The following CLK4 variants were observed in gnomAD, a reference collection of about 807,000 sequenced individuals.
CLK4 encodes the protein dual specificity protein kinase CLK4.
A neutral mutation model predicts 64.4 loss-of-function variants in CLK4; 37 were observed. The ratio of observed to expected loss-of-function variants is 0.57; its 90% CI spans 0.44 to 0.76. CLK4 has a LOEUF of 0.76. CLK4 is among the 30% of genes least tolerant of loss of function. The pLI is 0.00. For synonymous variants in CLK4, 175 were observed against 191.6 expected, an observed-to-expected ratio of 0.91 and a Z score of 0.72; for missense variants, 457 against 605.1, an observed-to-expected ratio of 0.76 and a Z score of 2.57.
In CLK4 at chr5:178,609,335, A is replaced by G. The variant is rs191327725; in HGVS notation, c.1052-877T>C. On this transcript the variant is annotated intron_variant, in intron 9 of 12. Transcript: ENST00000316308. ...ATTCAAGTCAATATATAATGACTTA[A>G]GTCATTTTTGTTAACCATCCGCTCC... Among the ~76,000 whole-genome samples the G allele has an allele frequency of 3.4e-3, 519 of 152,382 alleles. 1 individual carries two copies. Among genetic ancestry groups the G allele is most frequent in the African/African-American group, 0.011 (468 of 41,588 alleles).
rs201253730 is a variant in CLK4, at chr5:178,624,310, T to A, written c.1-894A>T. Among the ~76,000 whole-genome samples, 25 of 152,260 alleles carry A rather than the reference T, an allele frequency of 1.6e-4. No homozygotes were observed. The East Asian group carries it at 1.7e-3, about 11-fold the overall frequency. ...AGTGAAACTGTCTCTACAAAAAAAA[T>A]TTTTTTAAATGTTTATGTGATTTTA... On this transcript the variant is annotated intron_variant, in intron 1 of 12. Coordinates refer to ENST00000316308, the MANE Select transcript of CLK4 (RefSeq NM_020666.3).
chr5:178,620,009 C>T (rs1202480049), intron 2 of CLK4: 1 of 398,576 alleles, frequency 2.5e-6, no homozygotes, highest in African/African-American at 2.0e-5. Flanking sequence ...CTTTCCTTTC[C>T]CCAGAATATG....
At chr5:178,624,416 C>G (rs189896750) in intron 1 of CLK4, among the ~76,000 whole-genome samples, 1 of 152,326 alleles carries the variant, frequency 6.6e-6, no homozygotes, top group Admixed American at 6.5e-5. Flanking sequence ...TGTAGTAAAT[C>G]TGGAGTAACT....
At chr5:178,607,985 A>C (rs1240366906) in intron 10 of CLK4, among the ~76,000 whole-genome samples, 1 of 152,252 alleles carries the variant, frequency 6.6e-6, no homozygotes, top group Admixed American at 6.5e-5. Context: ...GTAAAATACA[A>C]TCCCTTGTTG....
intron 9 of CLK4, among the ~76,000 whole-genome samples, chr5:178,609,378 CA>C (rs1278150367): frequency 7.9e-5 from 12 of 152,172 alleles, no homozygotes; most frequent in Non-Finnish European, 1.6e-4. Flanking sequence ...GTCATTTGAA[CA>C]AATGGATAAT....
At chr5:178,621,690 T>C (rs529486772) in intron 2 of CLK4, 1 of 152,168 alleles carries the variant, frequency 6.6e-6, no homozygotes, top group Non-Finnish European at 1.5e-5. Context: ...GTTGTATAAT[T>C]TGGCAAACTC....
chr5:178,613,807 AT>A lies in CLK4; in HGVS notation c.578del (p.Asn193MetfsTer2). ...GMHVAVKIVKNVGRYREAARS... is the reference protein window; with the variant it reads ...GMHVAVKIVKXVGRYREAARS... ...GAGCTGCTTCACGGTAACGGCCTAC[AT>A]TTTTTACGATTTTCACTGCTACATG... On this transcript the variant is annotated frameshift_variant, in exon 6 of 13. Coordinates refer to ENST00000316308, the MANE Select transcript of CLK4 (RefSeq NM_020666.3). LOFTEE classifies it high-confidence loss of function. 6.2e-7 allele frequency: 1 copy of A among 1,614,094 alleles called. No individual in the cohort carries two copies. Among genetic ancestry groups the A allele is most frequent in the Non-Finnish European group, 8.5e-7 (1 of 1,179,972 alleles).
At position 178,618,575 on chromosome 5, in the gene CLK4, G is replaced by C; in HGVS notation, c.365C>G (p.Ser122Ter). The C allele has an allele frequency of 6.2e-7, 1 of 1,613,814 alleles. No homozygotes were observed. Among genetic ancestry groups the C allele is most frequent in the Non-Finnish European group, 8.5e-7 (1 of 1,179,844 alleles). ...SPKRKRNRHC[S>*]SHQSRSKSHR... Reference sequence around the variant, plus strand: ...TCATACCGAACGTGACTGATGACTTGAACAGTGTCTATTGCGCTTCCTTTT... The same window carrying C: ...TCATACCGAACGTGACTGATGACTTCAACAGTGTCTATTGCGCTTCCTTTT... The change falls in exon 3 of 13, where the codon TCA becomes TGA. Residue 122 changes from serine to a stop codon, truncating the protein, a stop_gained. Coordinates refer to ENST00000316308, the MANE Select transcript of CLK4 (RefSeq NM_020666.3). LOFTEE classifies it high-confidence loss of function.
chr5:178,623,391 C>G lies in CLK4; in HGVS notation c.26G>C (p.Cys9Ser). ...GCTTTCTCTGCTATCCCAATCAGGA[C>G]AGTGAGTTCTTTTGGAATGCCGCAT... MRHSKRTH[C>S]PDWDSRESWG... The change falls in exon 2 of 13, where the codon TGT becomes TCT. Residue 9 changes from cysteine (C) to serine (S), a missense_variant. Transcript: ENST00000316308. The G allele has an allele frequency of 6.2e-7, 1 of 1,612,024 alleles. No individual in the cohort carries two copies. Among genetic ancestry groups the G allele is most frequent in the Non-Finnish European group, 8.5e-7 (1 of 1,179,440 alleles).
At chr5:178,611,466 C>A (rs899854860) in intron 9 of CLK4, among the ~76,000 whole-genome samples, 2 of 152,302 alleles carry the variant, frequency 1.3e-5, no homozygotes. Flanking sequence ...GTCACACTGG[C>A]CCCACTACAA....
chr5:178,624,811 G>A (rs1764756678), intron 1 of CLK4, among the ~76,000 whole-genome samples: 1 of 152,112 alleles, frequency 6.6e-6, no homozygotes, highest in Non-Finnish European at 1.5e-5. Context: ...GATTTTAAAT[G>A]GATTAAAGGT....
intron 9 of CLK4, among the ~76,000 whole-genome samples, chr5:178,610,075 G>C (rs888617644): frequency 5.3e-5 from 8 of 152,044 alleles, no homozygotes; most frequent in African/African-American, 1.9e-4. Flanking sequence ...TGAATCACAA[G>C]GTCAGGAGTT....
At chr5:178,607,723 G>A (rs189641702) in intron 10 of CLK4, among the ~76,000 whole-genome samples, 62 of 151,660 alleles carry the variant, frequency 4.1e-4, no homozygotes, top group African/African-American at 1.4e-3. Flanking sequence ...TGTTAGCCAG[G>A]ATGGTCTCGA....
At chr5:178,612,687 AAAC>A (rs1177047356) in intron 8 of CLK4, 106 bp downstream of exon 8, 13 of 1,079,350 alleles carry the variant, frequency 1.2e-5, no homozygotes, top group Non-Finnish European at 1.8e-5. Context: ...CTTTTTGGTT[AAAC>A]AACAGGATAT....
chr5:178,604,136 T>C (rs886088826), intron 11 of CLK4: 15 of 387,262 alleles, frequency 3.9e-5, no homozygotes, highest in Non-Finnish European at 6.0e-5. Flanking sequence ...TTTTAGTCTC[T>C]CAACTAAGTT....
At chr5:178,618,913 T>A (rs1764666390) in intron 2 of CLK4, 135 bp from the exon 3 acceptor site, 1 of 632,480 alleles carries the variant, frequency 1.6e-6, no homozygotes, top group African/African-American at 1.8e-5. Context: ...AATTAGCATT[T>A]ATATTTATCT....
At chr5:178,619,830 C>T (rs1562130385) in intron 2 of CLK4, 1 of 1,285,060 alleles carries the variant, frequency 7.8e-7, no homozygotes, top group South Asian at 1.2e-5. Flanking sequence ...TCCCGTCCCC[C>T]TCTCTACCTG....
At chr5:178,620,020 C>T (rs1764684245) in intron 2 of CLK4, 2 of 380,374 alleles carry the variant, frequency 5.3e-6, no homozygotes, top group African/African-American at 2.1e-5. Flanking sequence ...CCAGAATATG[C>T]TGTCATTCTT....
At chr5:178,608,057 A>G (rs1045774287) in intron 10 of CLK4, among the ~76,000 whole-genome samples, 4 of 152,236 alleles carry the variant, frequency 2.6e-5, no homozygotes, top group African/African-American at 4.8e-5. Context: ...GATAGTCAAC[A>G]TAACTATAAC....
Sources: allele counts gnomAD v4.1 joint callset (sites outside exome capture counted in the v4.1 genomes callset), GRCh38; gene constraint gnomAD v4.1.1; transcripts MANE v1.5; gene names NCBI Gene and HGNC (gene_info 2026-07-23, HGNC 2026-07-21).